The following TOX variants were observed in gnomAD, a reference collection of about 807,000 sequenced individuals.
The protein encoded by TOX is thymocyte selection associated high mobility group box, also known as thymocyte selection-associated high mobility group box protein TOX.
In TOX, 11 loss-of-function variants were observed where a neutral mutation model predicts 53.7. The observed-to-expected ratio is 0.20, with a 90% CI of 0.13 to 0.34. TOX has a LOEUF of 0.34. Among genes scored for constraint, TOX ranks in the 10% least tolerant of loss-of-function variants. TOX has a pLI of 1.00. For missense variants in TOX, 570 were observed against 664.6 expected, an observed-to-expected ratio of 0.86 and a Z score of 1.56; for synonymous variants, 225 against 245.3, an observed-to-expected ratio of 0.92 and a Z score of 0.77.
intron 1 of TOX, among the ~76,000 whole-genome samples, chr8:58,972,321 G>T (rs1252890194): frequency 1.3e-5 from 2 of 152,098 alleles, no homozygotes; most frequent in African/African-American, 4.8e-5. Context: ...AAAACTGCAG[G>T]AGGAGTTTTC....
chr8:58,895,366 A>G (rs1421837825), intron 3 of TOX, among the ~76,000 whole-genome samples: 2 of 152,226 alleles, frequency 1.3e-5, no homozygotes, highest in Non-Finnish European at 2.9e-5. Context: ...TTATGAATAC[A>G]ATTATATATA....
intron 4 of TOX, among the ~76,000 whole-genome samples, chr8:58,845,138 G>A (rs1585856779): frequency 1.3e-5 from 2 of 152,196 alleles, no homozygotes; most frequent in South Asian, 4.1e-4. Context: ...AGTTAGAAAC[G>A]TCTATAAGCA....
chr8:58,936,286 G>A lies in TOX; in HGVS notation c.411+3016C>T, dbSNP rs115439400. 1.0e-3 allele frequency among the ~76,000 whole-genome samples: 153 copies of A among 152,206 alleles called. 2 individuals are homozygous for A. The highest frequency in any genetic ancestry group is 3.3e-3 in the African/African-American group (138 of 41,536). On this transcript the variant is annotated intron_variant, in intron 3 of 8. Coordinates refer to ENST00000361421, the MANE Select transcript of TOX (RefSeq NM_014729.3). ...CCAAATCAAAGCCCTCCTTCAAGCC[G>A]TGACGGCTGTCCTACCTTTTCTACT...
intron 3 of TOX, among the ~76,000 whole-genome samples, chr8:58,867,169 T>A (rs904143411): frequency 1.3e-5 from 2 of 152,216 alleles, no homozygotes; most frequent in Admixed American, 1.3e-4. Flanking sequence ...AAAAACACTC[T>A]TGGCAAAGAC....
intron 3 of TOX, among the ~76,000 whole-genome samples, chr8:58,923,695 G>C (rs1224719646): frequency 1.3e-5 from 2 of 152,100 alleles, no homozygotes; most frequent in Admixed American, 1.3e-4. Context: ...TGTTTTGCTA[G>C]ACACTGGAGG....
At chr8:59,010,208 T>C (rs1045556570) in intron 1 of TOX, among the ~76,000 whole-genome samples, 2 of 152,200 alleles carry the variant, frequency 1.3e-5, no homozygotes, top group African/African-American at 4.8e-5. Flanking sequence ...ATGAATAAAA[T>C]GAGGATACAA....
At chr8:58,814,146 A>G (rs1329055605) in intron 7 of TOX, among the ~76,000 whole-genome samples, 1 of 152,160 alleles carries the variant, frequency 6.6e-6, no homozygotes, top group Non-Finnish European at 1.5e-5. Flanking sequence ...TGTCAATAAT[A>G]ATAGTAGTAA....
intron 3 of TOX, among the ~76,000 whole-genome samples, chr8:58,885,509 G>A (rs1811451248): frequency 6.6e-6 from 1 of 151,990 alleles, no homozygotes; most frequent in African/African-American, 2.4e-5. Flanking sequence ...CGTTCTGATG[G>A]TCATAATAAT....
In TOX at chr8:58,815,720, T is replaced by C. The variant is rs1208626813; in HGVS notation, c.1010A>G (p.Tyr337Cys). ...AYRASLVSKS[Y>C]SEPVDVKTSQ... ...TGTCTTCACGTCAACAGGTTCACTG[T>C]AGCTCTGTTGAGGAAATAAATGAGC... The change falls in exon 7 of 9, where the codon TAC (tyrosine) becomes TGC (cysteine). Residue 337 changes from tyrosine to cysteine, a missense_variant. Tyr to Cys is a radical substitution (Grantham distance 194). Around this residue, in one of 3 missense-constraint regions of TOX, gnomAD observed 239 missense variants for 250.7 expected, o/e 0.95. Coordinates refer to ENST00000361421, the MANE Select transcript of TOX (RefSeq NM_014729.3). 3.7e-6 allele frequency: 6 copies of C among 1,606,798 alleles called. No homozygotes were observed. In the South Asian group the frequency reaches 4.4e-5, roughly 12 times the overall value.
chr8:58,836,959 C>G (rs1022791730), intron 5 of TOX, among the ~76,000 whole-genome samples: 2 of 152,160 alleles, frequency 1.3e-5, no homozygotes, highest in African/African-American at 4.8e-5. Flanking sequence ...ATTTTGTAAT[C>G]TGCAAAATTT....
intron 1 of TOX, among the ~76,000 whole-genome samples, chr8:59,030,218 A>G (rs370505712): frequency 1.3e-5 from 2 of 152,334 alleles, no homozygotes; most frequent in Admixed American, 6.5e-5. Flanking sequence ...TCATTTTTCT[A>G]TGCAAACTAA....
In TOX at chr8:58,950,979, A is replaced by G. The variant is rs182690282; in HGVS notation, c.168+8964T>C. The stretch of plus-strand genomic sequence containing the variant: ...GTATGAAATTACTGCTTTGTAACTA[A>G]GAAATGGTAAAATAGCCATGATTTC... On this transcript the variant is annotated intron_variant, in intron 2 of 8. Transcript: ENST00000361421. Among the ~76,000 whole-genome samples the G allele has an allele frequency of 7.5e-4, 115 of 152,354 alleles. 1 individual carries two copies. The highest frequency in any genetic ancestry group is 3.4e-3 in the Middle Eastern group (1 of 294).
intron 3 of TOX, among the ~76,000 whole-genome samples, chr8:58,928,530 A>G (rs967146189): frequency 5.9e-5 from 9 of 152,220 alleles, no homozygotes; most frequent in Admixed American, 5.9e-4. Context: ...AAAGATACAT[A>G]CATATATACA....
rs558433861 is a variant in TOX, at chr8:59,100,832, A to G, written c.102+18054T>C. 2.6e-5 allele frequency among the ~76,000 whole-genome samples: 4 copies of G among 152,348 alleles called. 1 individual carries two copies. The highest frequency in any genetic ancestry group is 9.6e-5 in the African/African-American group (4 of 41,578). ...TTTCAGCCCATTAAGGCATTAAAAA[A>G]AAGAGTTGAGCATGAACTCCCATTT... is the stretch of plus-strand genomic sequence containing the variant. On this transcript the variant is annotated intron_variant, in intron 1 of 8. Coordinates refer to ENST00000361421, the MANE Select transcript of TOX (RefSeq NM_014729.3).
At chr8:58,980,456 C>A (rs1178236889) in intron 1 of TOX, among the ~76,000 whole-genome samples, 1 of 152,134 alleles carries the variant, frequency 6.6e-6, no homozygotes, top group East Asian at 1.9e-4. Flanking sequence ...GTGTCTTGAA[C>A]CTACTCGTAA....
chr8:58,860,226 C>A (rs1185303626), intron 3 of TOX, among the ~76,000 whole-genome samples: 1 of 152,060 alleles, frequency 6.6e-6, no homozygotes, highest in African/African-American at 2.4e-5. Context: ...CTTCTTTAAC[C>A]CTCATTTTTC....
chr8:59,093,148 G>A (rs79001782), intron 1 of TOX, among the ~76,000 whole-genome samples: 3 of 152,184 alleles, frequency 2.0e-5, no homozygotes, highest in Admixed American at 6.5e-5. Flanking sequence ...TGCAGCTCAC[G>A]CCTTTTTAAT....
intron 1 of TOX, among the ~76,000 whole-genome samples, chr8:59,002,251 G>A (rs1813702999): frequency 6.8e-6 from 1 of 147,586 alleles, no homozygotes; most frequent in Non-Finnish European, 1.5e-5. Context: ...TGGGATTACA[G>A]GTGTGAGCCA....
Position 58,956,224 on chromosome 8 carries a change from T to C in TOX, c.168+3719A>G, listed in dbSNP as rs1477369653. 2.6e-5 allele frequency among the ~76,000 whole-genome samples: 4 copies of C among 152,162 alleles called. No individual in the cohort carries two copies. In the East Asian group the frequency reaches 7.7e-4, roughly 29 times the overall value. On this transcript the variant is annotated intron_variant, in intron 2 of 8. Transcript: ENST00000361421. ...TTTATATCTTAACAACAGCCTCATA[T>C]AAAGGACTATGAAAGGTACTACAAT...
Sources: gnomAD v4.1 joint callset for allele counts (sites outside exome capture counted in the v4.1 genomes callset) on GRCh38, gnomAD v4.1.1 for gene constraint, gnomAD v4.1.1 regional missense constraint, MANE v1.5 for transcripts, NCBI Gene and HGNC (gene_info 2026-07-23, HGNC 2026-07-21) for gene names.